The following NRG3 variants were observed in gnomAD, a reference collection of about 807,000 sequenced individuals.
The protein encoded by NRG3 is pro-neuregulin-3, membrane-bound isoform.
In NRG3, 31 loss-of-function variants were observed where a neutral mutation model predicts 66.9. The observed-to-expected ratio is 0.46, with a 90% CI of 0.35 to 0.63. The LOEUF is 0.63. Among genes scored for constraint, NRG3 ranks in the 20% least tolerant of loss-of-function variants. NRG3 has a pLI of 0.00. For synonymous variants in NRG3, 393 were observed against 359.4 expected (o/e 1.09, Z -1.06); for missense variants, 910 against 878.9 (o/e 1.04, Z -0.45).
chr10:82,484,093 A>T (rs1206370541), intron 2 of NRG3, among the ~76,000 whole-genome samples: 1 of 152,232 alleles, frequency 6.6e-6, no homozygotes, highest in Non-Finnish European at 1.5e-5. Context: ...TTTTGCAATA[A>T]AACAGTGTAA....
chr10:82,755,972 G>A (rs1354365947), intron 3 of NRG3, among the ~76,000 whole-genome samples: 1 of 151,910 alleles, frequency 6.6e-6, no homozygotes, highest in East Asian at 1.9e-4. Context: ...AAGTGTTCTT[G>A]CACCTTGCAG....
At chr10:82,822,821 A>G (rs988771197) in intron 3 of NRG3, among the ~76,000 whole-genome samples, 2 of 151,950 alleles carry the variant, frequency 1.3e-5, no homozygotes, top group African/African-American at 4.8e-5. Context: ...AACTGAAGCT[A>G]TCTTTCCCTG....
At chr10:82,123,586 G>A (rs1330484539) in intron 1 of NRG3, among the ~76,000 whole-genome samples, 2 of 152,170 alleles carry the variant, frequency 1.3e-5, no homozygotes, top group Non-Finnish European at 2.9e-5. Context: ...TGTTCCTAGT[G>A]TTTGCCCTCA....
chr10:82,128,076 G>A (rs2068568211), intron 1 of NRG3, among the ~76,000 whole-genome samples: 1 of 151,848 alleles, frequency 6.6e-6, no homozygotes, highest in Non-Finnish European at 1.5e-5. Context: ...TGACTGAGTT[G>A]GACTTGTGTT....
chr10:82,970,131 CT>C (rs1851591440), intron 6 of NRG3, among the ~76,000 whole-genome samples: 1 of 151,954 alleles, frequency 6.6e-6, no homozygotes, highest in Non-Finnish European at 1.5e-5. Flanking sequence ...TTATTTTGAA[CT>C]TTTGCAATTA....
intron 2 of NRG3, among the ~76,000 whole-genome samples, chr10:82,617,390 C>T (rs1406705105): frequency 6.6e-6 from 1 of 151,888 alleles, no homozygotes; most frequent in Non-Finnish European, 1.5e-5. Context: ...AAACACCACA[C>T]ACAGACACAC....
chr10:82,744,757 A>G (rs997075931), intron 3 of NRG3, among the ~76,000 whole-genome samples: 7 of 152,344 alleles, frequency 4.6e-5, no homozygotes, highest in Admixed American at 4.6e-4. Context: ...CATAACATTA[A>G]TAAACCCTGG....
chr10:82,084,511 T>C (rs888282186), intron 1 of NRG3, among the ~76,000 whole-genome samples: 4 of 151,762 alleles, frequency 2.6e-5, no homozygotes, highest in Non-Finnish European at 5.9e-5. Flanking sequence ...GATTTTTTTT[T>C]TTTTTTGCCA....
intron 3 of NRG3, among the ~76,000 whole-genome samples, chr10:82,833,754 GT>G (rs1198811240): frequency 1.3e-5 from 2 of 152,120 alleles, no homozygotes; most frequent in Admixed American, 6.6e-5. Flanking sequence ...CACATTTGAA[GT>G]TTTTTTCAGA....
At chr10:82,622,972 G>T (rs895985099) in intron 2 of NRG3, among the ~76,000 whole-genome samples, 15 of 146,284 alleles carry the variant, frequency 1.0e-4, no homozygotes, top group African/African-American at 3.0e-4. Flanking sequence ...TTTTGGATGG[G>T]TTTTTTTTTT....
intron 1 of NRG3, among the ~76,000 whole-genome samples, chr10:81,884,445 T>C (rs1350860530): frequency 6.6e-6 from 1 of 152,228 alleles, no homozygotes; most frequent in Non-Finnish European, 1.5e-5. Flanking sequence ...GTTTTGTTGA[T>C]ATGTAATTGA....
chr10:82,590,647 G>A (rs2046930361), intron 2 of NRG3, among the ~76,000 whole-genome samples: 1 of 152,162 alleles, frequency 6.6e-6, no homozygotes, highest in Non-Finnish European at 1.5e-5. Flanking sequence ...CCATTAACAA[G>A]GGGTTGTGGT....
chr10:82,406,198 A>G (rs1419434871), intron 2 of NRG3, among the ~76,000 whole-genome samples: 1 of 152,238 alleles, frequency 6.6e-6, no homozygotes, highest in Non-Finnish European at 1.5e-5. Flanking sequence ...TTGCTGATTC[A>G]CATATGAAAG....
chr10:82,102,520 T>A lies in NRG3; in HGVS notation c.823+226357T>A, dbSNP rs535583921. Among the ~76,000 whole-genome samples the A allele has an allele frequency of 1.2e-3, 184 of 151,754 alleles. 1 individual carries two copies. The highest frequency in any genetic ancestry group is 4.3e-3 in the African/African-American group (179 of 41,492). ...ATTAGTTAGATTTTTTTTCCCTCCA[T>A]TTTTGTTCCAGTGTTCCCACTTTCC... On this transcript the variant is annotated intron_variant, in intron 1 of 8. Coordinates refer to ENST00000372141, the MANE Select transcript of NRG3 (RefSeq NM_001010848.4).
chr10:82,381,603 G>A (rs1388896932), intron 2 of NRG3, among the ~76,000 whole-genome samples: 3 of 152,070 alleles, frequency 2.0e-5, no homozygotes, highest in Non-Finnish European at 4.4e-5. Flanking sequence ...TTTATATCTA[G>A]GTAACTTTGT....
At chr10:82,081,462 T>C (rs1210443397) in intron 1 of NRG3, among the ~76,000 whole-genome samples, 2 of 152,164 alleles carry the variant, frequency 1.3e-5, no homozygotes, top group Non-Finnish European at 2.9e-5. Flanking sequence ...CCTTGTTTCT[T>C]TAACTGCCGC....
chr10:82,888,709 A>G (rs1842915168), intron 4 of NRG3, among the ~76,000 whole-genome samples: 1 of 152,112 alleles, frequency 6.6e-6, no homozygotes, highest in African/African-American at 2.4e-5. Context: ...TAAACAAGAC[A>G]AAGAAGTGAA....
intron 1 of NRG3, among the ~76,000 whole-genome samples, chr10:82,174,194 G>C (rs765132489): frequency 6.6e-6 from 1 of 152,150 alleles, no homozygotes; most frequent in African/African-American, 2.4e-5. Context: ...AATTTTGAAA[G>C]ACTAGTAGTC....
intron 2 of NRG3, among the ~76,000 whole-genome samples, chr10:82,625,332 C>T (rs2049344680): frequency 6.6e-6 from 1 of 152,054 alleles, no homozygotes; most frequent in African/African-American, 2.4e-5. Context: ...CACTGGTAAA[C>T]ATCTGCAACA....
Sources: allele counts gnomAD v4.1 joint callset (sites outside exome capture counted in the v4.1 genomes callset), GRCh38; gene constraint gnomAD v4.1.1; transcripts MANE v1.5; gene names NCBI Gene and HGNC (gene_info 2026-07-23, HGNC 2026-07-21).